UNC13C: variants seen among roughly 807,000 people sequenced by gnomAD.
The protein encoded by UNC13C is protein unc-13 homolog C.
In UNC13C, 174 loss-of-function variants were observed where a neutral mutation model predicts 245.4. The ratio of observed to expected loss-of-function variants is 0.71; its 90% CI spans 0.63 to 0.80. The LOEUF is 0.80. Ranked by LOEUF, UNC13C falls within the 30% of genes least tolerant of loss-of-function variation. The pLI, the probability that UNC13C is intolerant of heterozygous loss-of-function variation, is 0.00. For missense variants in UNC13C, 2,829 were observed against 2,602.9 expected (o/e 1.09, Z -1.89); for synonymous variants, 992 against 895.1 (o/e 1.11, Z -1.93).
chr15:54,438,025 G>A (rs2414315), intron 19 of UNC13C, among the ~76,000 whole-genome samples: 119,825 of 151,704 alleles, frequency 0.79, 47,427 homozygotes, highest in Admixed American at 0.82. Flanking sequence ...TCATAAGAGG[G>A]AACTAGGGTA....
At chr15:53,893,588 C>T in the UNC13C span, among the ~76,000 whole-genome samples, 1 of 152,204 alleles carries the variant, frequency 6.6e-6, no homozygotes, top group African/African-American at 2.4e-5. Flanking sequence ...GCCACAGCAG[C>T]CTTGCTGAGC....
At chr15:54,303,079 C>A (rs998421198) in intron 13 of UNC13C, among the ~76,000 whole-genome samples, 1 of 151,988 alleles carries the variant, frequency 6.6e-6, no homozygotes, top group African/African-American at 2.4e-5. Flanking sequence ...CTCGATTGAA[C>A]CTCCTTCTCA....
At chr15:54,265,221 G>C (rs1431556344) in intron 9 of UNC13C, 134 bp from the exon 10 acceptor site, 1 of 604,268 alleles carries the variant, frequency 1.7e-6, no homozygotes, top group African/African-American at 1.9e-5. Flanking sequence ...AGTTCTGTGA[G>C]TCATGAGAAT....
chr15:54,498,700 C>T (rs771521495), intron 20 of UNC13C, among the ~76,000 whole-genome samples: 1 of 151,916 alleles, frequency 6.6e-6, no homozygotes, highest in Non-Finnish European at 1.5e-5. Flanking sequence ...TGATGAACGG[C>T]GTACAAGCCA....
chr15:53,975,915 A>G (rs1893680217), upstream of UNC13C, among the ~76,000 whole-genome samples: 2 of 152,170 alleles, frequency 1.3e-5, no homozygotes, highest in Admixed American at 1.3e-4. Context: ...AATAGAAATT[A>G]CTTCTTATCC....
the UNC13C span, among the ~76,000 whole-genome samples, chr15:53,862,383 C>T: frequency 2.6e-5 from 4 of 152,054 alleles, no homozygotes; most frequent in Non-Finnish European, 5.9e-5. Context: ...TGTGGGAGTG[C>T]GGCCATAAGC....
intron 4 of UNC13C, among the ~76,000 whole-genome samples, chr15:54,173,244 T>C (rs2033483242): frequency 6.6e-6 from 1 of 152,018 alleles, no homozygotes; most frequent in African/African-American, 2.4e-5. Context: ...TTTTACAAGG[T>C]CTACTAAAAA....
chr15:54,623,244 G>A (rs1446525316), intron 31 of UNC13C, among the ~76,000 whole-genome samples: 1 of 151,834 alleles, frequency 6.6e-6, no homozygotes, highest in Non-Finnish European at 1.5e-5. Flanking sequence ...TATCTAACAA[G>A]TGACTGGCTA....
intron 8 of UNC13C, among the ~76,000 whole-genome samples, chr15:54,251,975 A>G (rs973946427): frequency 2.0e-5 from 3 of 152,194 alleles, no homozygotes; most frequent in Non-Finnish European, 4.4e-5. Context: ...CTTTATTTGA[A>G]AAATAAGAAG....
At chr15:54,041,378 ATC>A (rs1158334355) in intron 2 of UNC13C, among the ~76,000 whole-genome samples, 1 of 152,162 alleles carries the variant, frequency 6.6e-6, no homozygotes, top group Non-Finnish European at 1.5e-5. Flanking sequence ...CTGTATATAA[ATC>A]TGTTTCATTT....
At chr15:53,985,551 C>G (rs375812780) in intron 1 of UNC13C, among the ~76,000 whole-genome samples, 3 of 151,758 alleles carry the variant, frequency 2.0e-5, no homozygotes, top group Non-Finnish European at 2.9e-5. Context: ...GACCAGCAAC[C>G]CTGATTTATT....
chr15:54,264,204 A>T lies in UNC13C; in HGVS notation c.3485A>T (p.Asp1162Val). The T allele has an allele frequency of 6.3e-7, 1 of 1,590,234 alleles. No homozygotes were observed. The highest frequency in any genetic ancestry group is 8.6e-7 in the Non-Finnish European group (1 of 1,167,552). Reference protein sequence around the residue: ...AEKSSKHGAEDKTQTIITAMK... With the variant: ...AEKSSKHGAEVKTQTIITAMK... Reference sequence around the variant, plus strand: ...AAGAGTTCTAAACATGGTGCCGAAGACAAGACTCAGACCATTATTACAGCA... The same window carrying T: ...AAGAGTTCTAAACATGGTGCCGAAGTCAAGACTCAGACCATTATTACAGCA... Residue 1162 changes from aspartate to valine, a missense_variant, in exon 9 of 33, where the codon GAC (aspartate) becomes GTC (valine). By Grantham distance (152) the Asp-to-Val change is radical. Transcript: ENST00000260323.
chr15:54,450,058 G>A (rs1891082366), intron 19 of UNC13C, among the ~76,000 whole-genome samples: 1 of 152,272 alleles, frequency 6.6e-6, no homozygotes, highest in South Asian at 2.1e-4. Context: ...TGTTTGCCTG[G>A]GTATCAGCAG....
intron 1 of UNC13C, among the ~76,000 whole-genome samples, chr15:54,004,884 G>T (rs903244627): frequency 6.6e-6 from 1 of 152,112 alleles, no homozygotes; most frequent in African/African-American, 2.4e-5. Flanking sequence ...AGTTGTTTGA[G>T]CTCCTTATAT....
At chr15:54,424,583 A>G (rs1315417254) in intron 19 of UNC13C, among the ~76,000 whole-genome samples, 1 of 151,914 alleles carries the variant, frequency 6.6e-6, no homozygotes, top group Non-Finnish European at 1.5e-5. Flanking sequence ...AACCTTTTCA[A>G]GCATTATAGA....
chr15:54,356,549 C>G (rs888132314), intron 17 of UNC13C, among the ~76,000 whole-genome samples: 6 of 152,128 alleles, frequency 3.9e-5, no homozygotes, highest in African/African-American at 9.7e-5. Flanking sequence ...GGGATATGCT[C>G]TCTGCTTCCA....
chr15:54,497,486 T>G (rs150011173), intron 20 of UNC13C, among the ~76,000 whole-genome samples: 103 of 152,154 alleles, frequency 6.8e-4, no homozygotes, highest in Non-Finnish European at 1.4e-3. Flanking sequence ...CACAGAGATA[T>G]GAGTCCAACA....
intron 16 of UNC13C, among the ~76,000 whole-genome samples, chr15:54,334,972 A>G (rs1260322176): frequency 6.6e-6 from 1 of 151,840 alleles, no homozygotes; most frequent in East Asian, 1.9e-4. Context: ...TTTGCTTCCT[A>G]TTTCAATGAA....
the UNC13C span, among the ~76,000 whole-genome samples, chr15:53,841,910 T>A: frequency 1.3e-5 from 2 of 152,322 alleles, no homozygotes; most frequent in South Asian, 2.1e-4. Context: ...ACTTCTTAAC[T>A]GTAGACTCTT....
Sources: gnomAD v4.1 joint callset for allele counts (sites outside exome capture counted in the v4.1 genomes callset) on GRCh38, gnomAD v4.1.1 for gene constraint, MANE v1.5 for transcripts, NCBI Gene and HGNC (gene_info 2026-07-23, HGNC 2026-07-21) for gene names.